The following GALNT2 variants were observed in gnomAD, a reference collection of about 807,000 sequenced individuals.
GALNT2 encodes polypeptide N-acetylgalactosaminyltransferase 2.
In GALNT2, 31 loss-of-function variants were observed where a neutral mutation model predicts 81.4. The ratio of observed to expected loss-of-function variants is 0.38; its 90% CI spans 0.29 to 0.51. The LOEUF is 0.51. GALNT2 is among the 20% of genes least tolerant of loss of function. The probability of loss-of-function intolerance (pLI) is 0.87; values close to 1 mark genes in which losing one functional copy is unlikely to be tolerated. For missense variants in GALNT2, 629 were observed against 765.7 expected (o/e 0.82, Z 2.11); for synonymous variants, 303 against 287.4 (o/e 1.05, Z -0.55).
upstream of GALNT2, among the ~76,000 whole-genome samples, chr1:230,065,732 G>A (rs755692818): frequency 3.9e-5 from 6 of 152,144 alleles, no homozygotes; most frequent in Non-Finnish European, 8.8e-5. Context: ...TTGGGGAGGG[G>A]ACTGGCTGTC....
Position 230,279,462 on chromosome 1 carries a change from G to T in GALNT2, c.*4G>T. 2 of 1,612,904 alleles carry T rather than the reference G, an allele frequency of 1.2e-6. No homozygotes were observed. Among genetic ancestry groups the T allele is most frequent in the Non-Finnish European group, 1.7e-6 (2 of 1,179,270 alleles). Reference sequence around the variant, plus strand: ...CACGCTCAACCTGCAGCAGTAGGAGGGTCCGGGAGGCCCTGCCGTCCTGTC... The same window carrying T: ...CACGCTCAACCTGCAGCAGTAGGAGTGTCCGGGAGGCCCTGCCGTCCTGTC... On this transcript the variant is annotated 3_prime_UTR_variant, in exon 16 of 16. Transcript: ENST00000366672. The surrounding 1 kb of genome is among the most constrained non-coding windows in gnomAD (Gnocchi z 4.6).
At chr1:230,089,548 AC>A (rs751279672) in intron 1 of GALNT2, among the ~76,000 whole-genome samples, 1 of 152,124 alleles carries the variant, frequency 6.6e-6, no homozygotes, top group Non-Finnish European at 1.5e-5. Context: ...GATACTCTGT[AC>A]CCAAAAAACA....
At position 230,249,229 on chromosome 1, in the gene GALNT2, A is replaced by G; in HGVS notation, c.863A>G (p.Glu288Gly). 1 of 1,614,138 alleles carries G rather than the reference A, an allele frequency of 6.2e-7. No homozygotes were observed. Among genetic ancestry groups the G allele is most frequent in the African/African-American group, 1.3e-5 (1 of 75,042 alleles). Residue 288 changes from glutamate (E) to glycine (G), a missense_variant, in exon 9 of 16, where the codon GAG (glutamate) becomes GGG (glycine). Coordinates refer to ENST00000366672, the MANE Select transcript of GALNT2 (RefSeq NM_004481.5). ...TTCAAGTGGGATTACATGACGCCTG[A>G]GCAGAGAAGGTCCCGGCAGGGGAAC... ...LVFKWDYMTP[E>G]QRRSRQGNPV...
chr1:230,156,162 G>A (rs913611887), intron 1 of GALNT2, among the ~76,000 whole-genome samples: 5 of 152,014 alleles, frequency 3.3e-5, no homozygotes, highest in African/African-American at 1.2e-4. Context: ...GACCTTCTGG[G>A]GTTGATGTCT....
At chr1:230,175,618 C>T (rs1662952519) in intron 1 of GALNT2, among the ~76,000 whole-genome samples, 1 of 132,698 alleles carries the variant, frequency 7.5e-6, no homozygotes, top group Admixed American at 7.5e-5. Context: ...TCCTCCCCCT[C>T]CCTCTCCCCT....
chr1:230,140,368 C>T (rs1661691581), intron 1 of GALNT2, among the ~76,000 whole-genome samples: 2 of 152,244 alleles, frequency 1.3e-5, no homozygotes, highest in Admixed American at 1.3e-4. Flanking sequence ...ACCCCTGCCA[C>T]TGCCTGGCTC....
At chr1:230,232,978 C>T (rs960591498) in intron 3 of GALNT2, among the ~76,000 whole-genome samples, 1 of 152,054 alleles carries the variant, frequency 6.6e-6, no homozygotes, top group Non-Finnish European at 1.5e-5. Flanking sequence ...TAAAAGAAGC[C>T]CATTTTGTGA....
intron 1 of GALNT2, among the ~76,000 whole-genome samples, chr1:230,153,289 A>G (rs1287058120): frequency 6.6e-6 from 1 of 152,228 alleles, no homozygotes; most frequent in African/African-American, 2.4e-5. Flanking sequence ...GCCCATTGCC[A>G]TGCCTGAGAC....
intron 1 of GALNT2, among the ~76,000 whole-genome samples, chr1:230,061,622 A>G (rs1033833694): frequency 1.3e-5 from 2 of 151,928 alleles, no homozygotes; most frequent in African/African-American, 4.8e-5. Flanking sequence ...TTGTTTTTTT[A>G]ATATAGAGAA....
chr1:230,185,301 T>TGTGTGC (rs58770415), intron 2 of GALNT2, among the ~76,000 whole-genome samples: 2 of 126,012 alleles, frequency 1.6e-5, no homozygotes, highest in African/African-American at 2.7e-5. Context: ...TGTGTGTGTG[T>TGTGTGC]GCGCGCGTGT....
At chr1:230,163,125 T>A (rs1214542171) in intron 1 of GALNT2, among the ~76,000 whole-genome samples, 1 of 152,080 alleles carries the variant, frequency 6.6e-6, no homozygotes. Flanking sequence ...TACAGAAAGA[T>A]AAGAATCAGC....
At chr1:230,083,606 T>A (rs1349870857) in intron 1 of GALNT2, among the ~76,000 whole-genome samples, 1 of 152,196 alleles carries the variant, frequency 6.6e-6, no homozygotes, top group East Asian at 1.9e-4. Context: ...ATGCTTGCAT[T>A]ATGTTAAAAT....
chr1:230,204,478 C>T (rs1156902731), intron 3 of GALNT2, among the ~76,000 whole-genome samples: 1 of 152,164 alleles, frequency 6.6e-6, no homozygotes, highest in East Asian at 1.9e-4. Context: ...CCTTTTTATT[C>T]TTCAAAGATC....
At chr1:230,177,291 G>A (rs750405458) in intron 1 of GALNT2, among the ~76,000 whole-genome samples, 2 of 152,362 alleles carry the variant, frequency 1.3e-5, no homozygotes, top group East Asian at 1.9e-4. Flanking sequence ...GAATAAACCC[G>A]GGGAGAGCTG....
intron 2 of GALNT2, among the ~76,000 whole-genome samples, chr1:230,182,194 TG>T (rs146436525): frequency 0.35 from 44,585 of 127,470 alleles, 7,570 homozygotes; most frequent in East Asian, 0.66. Flanking sequence ...TTTTTGTTTT[TG>T]TTTTTTTCTG....
intron 14 of GALNT2, among the ~76,000 whole-genome samples, chr1:230,266,578 A>G (rs760944290): frequency 6.6e-6 from 1 of 152,228 alleles, no homozygotes. Context: ...GGCAGACTGC[A>G]ATCCACAAAT....
intron 11 of GALNT2, among the ~76,000 whole-genome samples, chr1:230,255,861 A>G (rs932505432): frequency 4.6e-5 from 7 of 152,230 alleles, no homozygotes; most frequent in Non-Finnish European, 1.5e-5. Flanking sequence ...TAAAAGCAAC[A>G]TTGTCTTAGT....
At chr1:230,161,993 TA>T in intron 1 of GALNT2, among the ~76,000 whole-genome samples, 1 of 152,290 alleles carries the variant, frequency 6.6e-6, no homozygotes, top group South Asian at 2.1e-4. Context: ...TAATATGGGG[TA>T]TTATTAAAGT....
At chr1:230,179,174 T>G (rs1265363072) in intron 2 of GALNT2, among the ~76,000 whole-genome samples, 1 of 152,062 alleles carries the variant, frequency 6.6e-6, no homozygotes, top group African/African-American at 2.4e-5. Context: ...TTCCATTGTC[T>G]GGGTGTATTA....
Sources: gnomAD v4.1 joint callset for allele counts (sites outside exome capture counted in the v4.1 genomes callset) on GRCh38, gnomAD v4.1.1 for gene constraint, Gnocchi (gnomAD v3.1) non-coding constraint, MANE v1.5 for transcripts, NCBI Gene and HGNC (gene_info 2026-07-23, HGNC 2026-07-21) for gene names.